The following KIF13A variants were observed in gnomAD, a reference collection of about 807,000 sequenced individuals.
KIF13A encodes kinesin-like protein KIF13A.
A neutral mutation model predicts 212.2 loss-of-function variants in KIF13A; 79 were observed. The observed-to-expected ratio is 0.37, with a 90% CI of 0.31 to 0.45. KIF13A has a LOEUF of 0.45. KIF13A is among the 20% of genes least tolerant of loss of function. The pLI, the probability that KIF13A is intolerant of heterozygous loss-of-function variation, is 1.00. For missense variants in KIF13A, 1,901 were observed against 2,209.0 expected (o/e 0.86, Z 2.79); for synonymous variants, 789 against 808.6 (o/e 0.98, Z 0.41).
Position 17,855,986 on chromosome 6 carries a change from T to C in KIF13A, c.313+44A>G, listed in dbSNP as rs373779919. Reference sequence around the variant, plus strand: ...CCAGCCTCACCAAGTCCTGGGATTATAGGCATGATCCCCCACATCTGGTCT... The same window carrying C: ...CCAGCCTCACCAAGTCCTGGGATTACAGGCATGATCCCCCACATCTGGTCT... On this transcript the variant is annotated intron_variant, in intron 5 of 38. Transcript: ENST00000259711. This position sits in a 1 kb window ranked among gnomAD's most constrained non-coding sequence, Gnocchi z 4.1. 4.4e-6 allele frequency: 6 copies of C among 1,351,130 alleles called. No homozygotes were observed. The East Asian group carries it at 6.9e-5, about 16-fold the overall frequency. The allele number at this position is 1,351,130 out of a possible 1,614,324, so 83.7% of individuals were successfully genotyped here.
rs1211326226 is a variant in KIF13A, at chr6:17,773,894, A to C, written c.4219-311T>G. ...CTCCCCAGAGGTAGCTACTTTGAGC[A>C]ATGTGGCATATACCCAGAGTGACTT... On this transcript the variant is annotated intron_variant, in intron 35 of 38. Coordinates refer to ENST00000259711, the MANE Select transcript of KIF13A (RefSeq NM_022113.6). This position sits in a 1 kb window ranked among gnomAD's most constrained non-coding sequence, Gnocchi z 4.2. Among the ~76,000 whole-genome samples, 1 of 152,164 alleles carries C rather than the reference A, an allele frequency of 6.6e-6. No individual in the cohort carries two copies. The highest frequency in any genetic ancestry group is 1.5e-5 in the Non-Finnish European group (1 of 68,032).
intron 2 of KIF13A, among the ~76,000 whole-genome samples, chr6:17,910,347 T>C (rs1471627839): frequency 1.3e-5 from 2 of 152,158 alleles, no homozygotes; most frequent in African/African-American, 4.8e-5. Flanking sequence ...CAATAAAAGG[T>C]GAAGCAAACA....
chr6:17,817,092 C>T lies in KIF13A; in HGVS notation c.1928G>A (p.Ser643Asn), dbSNP rs1418673915. The T allele has an allele frequency of 9.9e-6, 16 of 1,613,826 alleles. No individual in the cohort carries two copies. Among genetic ancestry groups the T allele is most frequent in the Non-Finnish European group, 1.2e-5 (14 of 1,179,908 alleles). ...QQLSPDRQPQ[S>N]SGPDRLAYSS... ...GTAGGCCAGGCGGTCAGGGCCGCTACTCTGTGGCTGCCTGTCGGGGGAGAG... is the reference window on the plus strand; with the variant it reads ...GTAGGCCAGGCGGTCAGGGCCGCTATTCTGTGGCTGCCTGTCGGGGGAGAG... The change falls in exon 17 of 39, where the codon AGT becomes AAT. Residue 643 changes from serine to asparagine, a missense_variant. Physicochemically the swap from Ser to Asn is conservative, Grantham distance 46 (BLOSUM62 1). Around this residue, in one of 5 missense-constraint regions of KIF13A, gnomAD observed 534 missense variants for 536.9 expected, o/e 0.99. Transcript: ENST00000259711.
Position 17,810,953 on chromosome 6 carries a change from C to T in KIF13A, c.2001-2023G>A, listed in dbSNP as rs114135488. ...GTGCAGCCTGGTTCCTAACAGGCCA[C>T]GGACCCGTACCAGTTTGTGGTCTGG... On this transcript the variant is annotated intron_variant, in intron 17 of 38. Transcript: ENST00000259711. Among the ~76,000 whole-genome samples, 230 of 152,290 alleles carry T rather than the reference C, an allele frequency of 1.5e-3. 1 individual carries two copies. Among genetic ancestry groups the T allele is most frequent in the African/African-American group, 5.2e-3 (217 of 41,548 alleles).
chr6:17,930,924 T>C (rs139530501), intron 2 of KIF13A, among the ~76,000 whole-genome samples: 278 of 152,370 alleles, frequency 1.8e-3, no homozygotes, highest in African/African-American at 6.4e-3. Context: ...AATTGTTCTC[T>C]GTATTCTAAG....
In KIF13A at chr6:17,912,195, T is replaced by C. The variant is rs368622730; in HGVS notation, c.147-14015A>G. On this transcript the variant is annotated intron_variant, in intron 2 of 38. Transcript: ENST00000259711. The surrounding 1 kb of genome is among the most constrained non-coding windows in gnomAD (Gnocchi z 4.2). ...GATTATTACGCATTGCATGCCTACA[T>C]CAAAACATCTCATGTACCCTATAAA... Among the ~76,000 whole-genome samples the C allele has an allele frequency of 3.3e-5, 5 of 152,142 alleles. No individual in the cohort carries two copies. The highest frequency in any genetic ancestry group is 7.2e-5 in the African/African-American group (3 of 41,442).
chr6:17,885,117 A>T (rs1018305192), intron 3 of KIF13A, among the ~76,000 whole-genome samples: 4 of 152,126 alleles, frequency 2.6e-5, no homozygotes, highest in Non-Finnish European at 5.9e-5. Flanking sequence ...AAGATTCATA[A>T]AAGAAAAAAA....
In KIF13A at chr6:17,967,629, T is replaced by C. The variant is rs1030925088; in HGVS notation, c.146+19425A>G. On this transcript the variant is annotated intron_variant, in intron 2 of 38. Coordinates refer to ENST00000259711, the MANE Select transcript of KIF13A (RefSeq NM_022113.6). The surrounding 1 kb of genome is among the most constrained non-coding windows in gnomAD (Gnocchi z 4.1). The stretch of plus-strand genomic sequence containing the variant: ...CATGATGCCCCCACACACAGACTGC[T>C]ATCAGCAACAACTTTGTATAAGCTG... Among the ~76,000 whole-genome samples the C allele has an allele frequency of 6.6e-6, 1 of 152,208 alleles. No individual in the cohort carries two copies. Among genetic ancestry groups the C allele is most frequent in the African/African-American group, 2.4e-5 (1 of 41,466 alleles).
Position 17,831,177 on chromosome 6 carries a change from A to T in KIF13A, c.1325T>A (p.Val442Glu). 1.2e-6 allele frequency: 2 copies of T among 1,613,864 alleles called. No individual in the cohort carries two copies. The highest frequency in any genetic ancestry group is 1.7e-6 in the Non-Finnish European group (2 of 1,179,832). ...GISLEMSGIK[V>E]GDDKCYLVNL... Reference sequence around the variant, plus strand: ...GACTAAGTAGCATTTGTCATCCCCCACCTTGATACCGGACATCTCCAGGGA... The same window carrying T: ...GACTAAGTAGCATTTGTCATCCCCCTCCTTGATACCGGACATCTCCAGGGA... Residue 442 changes from valine to glutamate, a missense_variant, in exon 13 of 39, where the codon GTG (valine) becomes GAG (glutamate). Physicochemically the swap from Val to Glu is moderately radical, Grantham distance 121 (BLOSUM62 -2). This residue lies in a region of KIF13A where 506 missense variants were observed against 637.4 expected (regional missense o/e 0.79). Coordinates refer to ENST00000259711, the MANE Select transcript of KIF13A (RefSeq NM_022113.6).
intron 20 of KIF13A, among the ~76,000 whole-genome samples, chr6:17,802,560 G>A (rs1762559211): frequency 6.6e-6 from 1 of 152,054 alleles, no homozygotes; most frequent in Admixed American, 6.6e-5. Context: ...AAAGTGCTGG[G>A]ATTACAGGCG....
At chr6:17,975,493 G>A (rs894685374) in intron 2 of KIF13A, among the ~76,000 whole-genome samples, 7 of 152,078 alleles carry the variant, frequency 4.6e-5, no homozygotes, top group African/African-American at 9.7e-5. Context: ...AGCTTATAAA[G>A]ACAATGTAGG....
In KIF13A at chr6:17,825,314, T is replaced by C. The variant is rs1764870158; in HGVS notation, c.1786+454A>G. On this transcript the variant is annotated intron_variant, in intron 16 of 38. Transcript: ENST00000259711. The surrounding 1 kb of genome is among the most constrained non-coding windows in gnomAD (Gnocchi z 4.5). ...GTGATCTGGGCTTATTAAATAAATATCTTTGGGGTAAAATTTCCAATTGAG... is the reference window on the plus strand; with the variant it reads ...GTGATCTGGGCTTATTAAATAAATACCTTTGGGGTAAAATTTCCAATTGAG... Among the ~76,000 whole-genome samples, 1 of 152,218 alleles carries C rather than the reference T, an allele frequency of 6.6e-6. No individual in the cohort carries two copies. The highest frequency in any genetic ancestry group is 6.5e-5 in the Admixed American group (1 of 15,288).
intron 2 of KIF13A, among the ~76,000 whole-genome samples, chr6:17,962,512 CACAGCCAGGAAGAGGCA>C (rs1778917819): frequency 6.6e-6 from 1 of 152,062 alleles, no homozygotes; most frequent in Non-Finnish European, 1.5e-5. Context: ...CAGAGATGAG[CACAGCCAGGAAGAGGCA>C]GCAGCCAGAG....
At chr6:17,885,460 CTGAT>C (rs1229268632) in intron 3 of KIF13A, among the ~76,000 whole-genome samples, 1 of 152,200 alleles carries the variant, frequency 6.6e-6, no homozygotes, top group African/African-American at 2.4e-5. Context: ...TCGGCATGGA[CTGAT>C]TGTGAAGATG....
chr6:17,860,550 T>G (rs1434540961), intron 4 of KIF13A, among the ~76,000 whole-genome samples: 1 of 152,126 alleles, frequency 6.6e-6, no homozygotes, highest in Non-Finnish European at 1.5e-5. Context: ...TTGCTGCATC[T>G]TAGTAGAATG....
At chr6:17,784,008 G>A (rs1406935858) in intron 28 of KIF13A, among the ~76,000 whole-genome samples, 2 of 152,172 alleles carry the variant, frequency 1.3e-5, no homozygotes, top group African/African-American at 2.4e-5. Context: ...GGGTGGTAAC[G>A]GGACAGGATC....
intron 11 of KIF13A, 44 bp downstream of exon 11, chr6:17,836,833 CA>C: frequency 1.3e-6 from 2 of 1,570,766 alleles, no homozygotes; most frequent in Non-Finnish European, 1.7e-6. Flanking sequence ...TCAAATCCCG[CA>C]AGCCAGGGAA....
In KIF13A at chr6:17,776,032, C is replaced by T. The variant is rs139808322; in HGVS notation, c.4171-970G>A. ...TAGCTGGGATTACAGGCACCTGCCACGATGCCCAGCTAATTTTGTATTTTT... is the reference window on the plus strand; with the variant it reads ...TAGCTGGGATTACAGGCACCTGCCATGATGCCCAGCTAATTTTGTATTTTT... On this transcript the variant is annotated intron_variant, in intron 34 of 38. Coordinates refer to ENST00000259711, the MANE Select transcript of KIF13A (RefSeq NM_022113.6). This position sits in a 1 kb window ranked among gnomAD's most constrained non-coding sequence, Gnocchi z 4.6. Among the ~76,000 whole-genome samples, 62 of 152,170 alleles carry T rather than the reference C, an allele frequency of 4.1e-4. 1 individual carries two copies. In the East Asian group the frequency reaches 8.5e-3, roughly 21 times the overall value.
intron 9 of KIF13A, among the ~76,000 whole-genome samples, chr6:17,845,255 A>C (rs780092440): frequency 6.6e-6 from 1 of 152,178 alleles, no homozygotes; most frequent in Non-Finnish European, 1.5e-5. Context: ...CTCCCACAAC[A>C]CGTGGTAATT....
Sources: gnomAD v4.1 joint callset for allele counts (sites outside exome capture counted in the v4.1 genomes callset) on GRCh38, gnomAD v4.1.1 for gene constraint, gnomAD v4.1.1 regional missense constraint, Gnocchi (gnomAD v3.1) non-coding constraint, MANE v1.5 for transcripts, NCBI Gene and HGNC (gene_info 2026-07-23, HGNC 2026-07-21) for gene names.